PLEKHM3: variants seen among roughly 807,000 people sequenced by gnomAD.
PLEKHM3 encodes the protein pleckstrin homology domain containing M3, also known as pleckstrin homology domain-containing family M member 3.
In PLEKHM3, 45 loss-of-function variants were observed where a neutral mutation model predicts 81.8. The observed-to-expected ratio is 0.55, with a 90% CI of 0.43 to 0.71. PLEKHM3 has a LOEUF of 0.71. Among genes scored for constraint, PLEKHM3 ranks in the 30% least tolerant of loss-of-function variants. The pLI, the probability that PLEKHM3 is intolerant of heterozygous loss-of-function variation, is 0.00. For missense variants in PLEKHM3, 788 were observed against 924.3 expected (o/e 0.85, Z 1.91); for synonymous variants, 352 against 356.4 (o/e 0.99, Z 0.14).
At position 208,001,349 on chromosome 2, in the gene PLEKHM3, G is replaced by C. The variant is rs199637133; in HGVS notation, c.291C>G (p.Val97=). The C allele has an allele frequency of 6.2e-7, 1 of 1,614,162 alleles. No individual in the cohort carries two copies. Reference sequence around the variant, plus strand: ...GATTATCTGGGGTTGTCCCTCTCTGGACCATAAACTGTTCTTTGGCAGGGA... The same window carrying C: ...GATTATCTGGGGTTGTCCCTCTCTGCACCATAAACTGTTCTTTGGCAGGGA... ...NVFPAKEQFM[V]QRGTTPDNLS... is the part of the protein sequence containing the mutation. The change falls in exon 2 of 8, where the codon GTC becomes GTG. Residue 97 remains valine, a synonymous_variant. Coordinates refer to ENST00000427836, the MANE Select transcript of PLEKHM3 (RefSeq NM_001080475.3).
intron 6 of PLEKHM3, among the ~76,000 whole-genome samples, chr2:207,905,185 T>C (rs1688562085): frequency 6.6e-6 from 1 of 152,260 alleles, no homozygotes; most frequent in Non-Finnish European, 1.5e-5. Context: ...CTTGCTTTAG[T>C]TTATTTTCCT....
intron 6 of PLEKHM3, among the ~76,000 whole-genome samples, chr2:207,865,049 G>A (rs1250579203): frequency 5.3e-5 from 8 of 152,082 alleles, no homozygotes; most frequent in Admixed American, 4.6e-4. Flanking sequence ...ACTTCTAGGT[G>A]ATTCTTTTGG....
At chr2:207,928,028 C>G (rs559942848) in intron 5 of PLEKHM3, among the ~76,000 whole-genome samples, 93 of 151,966 alleles carry the variant, frequency 6.1e-4, no homozygotes, top group African/African-American at 2.1e-3. Flanking sequence ...AATAACATCC[C>G]CCCTCAACTT....
chr2:207,845,526 T>A (rs1273853279), intron 7 of PLEKHM3, among the ~76,000 whole-genome samples: 1 of 152,206 alleles, frequency 6.6e-6, no homozygotes, highest in Non-Finnish European at 1.5e-5. Flanking sequence ...AAGCTCACAT[T>A]TTTTACATCA....
At chr2:207,880,823 A>G (rs2621478) in intron 6 of PLEKHM3, among the ~76,000 whole-genome samples, 2 of 145,824 alleles carry the variant, frequency 1.4e-5, no homozygotes, top group African/African-American at 5.0e-5. Context: ...AAACAAAAAA[A>G]CAAATAAAAA....
intron 7 of PLEKHM3, among the ~76,000 whole-genome samples, chr2:207,829,306 C>G (rs997907486): frequency 2.0e-5 from 3 of 152,102 alleles, no homozygotes; most frequent in Non-Finnish European, 4.4e-5. Context: ...TAGGGTCTCA[C>G]TCTGTCACCC....
chr2:207,859,244 T>C (rs986098662), intron 7 of PLEKHM3, among the ~76,000 whole-genome samples: 3 of 147,582 alleles, frequency 2.0e-5, no homozygotes, highest in African/African-American at 7.4e-5. Context: ...GTTCAAGCAA[T>C]TCTCCTGTCT....
At chr2:207,865,802 AGATAT>A (rs1328796035) in intron 6 of PLEKHM3, among the ~76,000 whole-genome samples, 951 of 40,884 alleles carry the variant, frequency 0.023, 188 homozygotes, top group Non-Finnish European at 0.026. Context: ...AAAAAAAAAA[AGATAT>A]ATATATATAT....
intron 1 of PLEKHM3, among the ~76,000 whole-genome samples, chr2:208,024,090 C>T (rs1298852291): frequency 6.6e-6 from 1 of 150,480 alleles, no homozygotes; most frequent in Non-Finnish European, 1.5e-5. Flanking sequence ...CTGCAGTGAG[C>T]CATGATCACG....
intron 4 of PLEKHM3, among the ~76,000 whole-genome samples, chr2:207,945,955 C>T (rs1169175090): frequency 6.6e-6 from 1 of 150,838 alleles, no homozygotes; most frequent in African/African-American, 2.4e-5. Flanking sequence ...AACAACAAAA[C>T]AAACAAACAA....
At chr2:207,990,835 T>C (rs895701237) in intron 2 of PLEKHM3, among the ~76,000 whole-genome samples, 3 of 152,148 alleles carry the variant, frequency 2.0e-5, no homozygotes, top group African/African-American at 7.2e-5. Context: ...TCTTTTTGGG[T>C]AAAAAGAGGA....
chr2:207,948,263 AT>A (rs1298960041), intron 3 of PLEKHM3, among the ~76,000 whole-genome samples: 3 of 150,276 alleles, frequency 2.0e-5, no homozygotes, highest in Admixed American at 6.6e-5. Context: ...TGCATTACTC[AT>A]TTGGCATTTA....
At chr2:207,904,501 G>T (rs184672128) in intron 6 of PLEKHM3, among the ~76,000 whole-genome samples, 3 of 152,254 alleles carry the variant, frequency 2.0e-5, no homozygotes, top group Admixed American at 2.0e-4. Flanking sequence ...CTTTTTCAAT[G>T]TGCAAGTCAT....
chr2:207,974,725 C>T (rs1691244233), intron 3 of PLEKHM3, among the ~76,000 whole-genome samples: 1 of 152,222 alleles, frequency 6.6e-6, no homozygotes, highest in African/African-American at 2.4e-5. Context: ...TTTTAAAAAA[C>T]TGCTAAAACT....
chr2:207,890,330 T>C (rs1396558580), intron 6 of PLEKHM3, among the ~76,000 whole-genome samples: 1 of 152,082 alleles, frequency 6.6e-6, no homozygotes, highest in Non-Finnish European at 1.5e-5. Flanking sequence ...ATTAATAACT[T>C]ACTACTAAAG....
chr2:207,865,544 G>A (rs1445885476), intron 6 of PLEKHM3, among the ~76,000 whole-genome samples: 1 of 151,508 alleles, frequency 6.6e-6, no homozygotes, highest in Non-Finnish European at 1.5e-5. Flanking sequence ...TTGGGAGGTC[G>A]AAGCGGGCAG....
intron 6 of PLEKHM3, among the ~76,000 whole-genome samples, chr2:207,882,866 A>AG (rs1177579636): frequency 6.6e-6 from 1 of 151,838 alleles, no homozygotes; most frequent in Non-Finnish European, 1.5e-5. Flanking sequence ...CTCGTGCCTC[A>AG]GCCTCCCAAG....
At chr2:207,869,459 T>C (rs1044780585) in intron 6 of PLEKHM3, among the ~76,000 whole-genome samples, 1 of 152,178 alleles carries the variant, frequency 6.6e-6, no homozygotes. Context: ...TGAAAGTTTG[T>C]TTCTGTTTTC....
At chr2:207,957,614 C>T (rs1276781618) in intron 3 of PLEKHM3, among the ~76,000 whole-genome samples, 1 of 152,170 alleles carries the variant, frequency 6.6e-6, no homozygotes, top group African/African-American at 2.4e-5. Flanking sequence ...AGGAGAATTG[C>T]TTGAACCCAG....
Sources: allele counts gnomAD v4.1 joint callset (sites outside exome capture counted in the v4.1 genomes callset), GRCh38; gene constraint gnomAD v4.1.1; transcripts MANE v1.5; gene names NCBI Gene and HGNC (gene_info 2026-07-23, HGNC 2026-07-21).